Variants in CDH18 observed in about 807,000 individuals in gnomAD.
CDH18 encodes cadherin-18.
In CDH18, 31 loss-of-function variants were observed where a neutral mutation model predicts 67.9. The observed-to-expected ratio is 0.46, with a 90% CI of 0.34 to 0.62. CDH18 has a LOEUF of 0.62. Ranked by LOEUF, CDH18 falls within the 20% of genes least tolerant of loss-of-function variation. The pLI is 0.01. For synonymous variants in CDH18, 362 were observed against 347.2 expected, an observed-to-expected ratio of 1.04 and a Z score of -0.48; for missense variants, 890 against 975.5, an observed-to-expected ratio of 0.91 and a Z score of 1.17.
intron 1 of CDH18, among the ~76,000 whole-genome samples, chr5:20,356,753 C>CTACA (rs1554122695): frequency 1.3e-3 from 158 of 121,548 alleles, no homozygotes; most frequent in Non-Finnish European, 2.2e-3. Context: ...CTCTCTCTCT[C>CTACA]TATATATATA....
intron 2 of CDH18, among the ~76,000 whole-genome samples, chr5:19,951,872 A>C (rs1795822812): frequency 6.6e-6 from 1 of 152,154 alleles, no homozygotes; most frequent in African/African-American, 2.4e-5. Context: ...GCATTTCAAA[A>C]ATATCAAATC....
chr5:19,977,884 T>C (rs1249081594), intron 2 of CDH18, among the ~76,000 whole-genome samples: 1 of 152,166 alleles, frequency 6.6e-6, no homozygotes, highest in Non-Finnish European at 1.5e-5. Context: ...CACAGATTTC[T>C]ATATTCTCAT....
rs1779794745 is a variant in CDH18, at chr5:19,820,828, T to G, written c.228+17931A>C. Among the ~76,000 whole-genome samples the G allele has an allele frequency of 2.0e-5, 3 of 152,118 alleles. No individual in the cohort carries two copies. The South Asian group carries it at 6.2e-4, about 32-fold the overall frequency. On this transcript the variant is annotated intron_variant, in intron 3 of 12. Coordinates refer to ENST00000382275, the MANE Select transcript of CDH18 (RefSeq NM_004934.5). Reference sequence around the variant, plus strand: ...CCCAAGGCAGGAAGCCAGCTACAACTAAGGAACCCATACAGAGCCTTGGAC... The same window carrying G: ...CCCAAGGCAGGAAGCCAGCTACAACGAAGGAACCCATACAGAGCCTTGGAC...
At chr5:20,234,429 C>T (rs1416091407) in intron 2 of CDH18, among the ~76,000 whole-genome samples, 1 of 152,018 alleles carries the variant, frequency 6.6e-6, no homozygotes, top group Non-Finnish European at 1.5e-5. Flanking sequence ...ACCTATGTTC[C>T]AGATCATCAG....
At chr5:19,603,263 A>G (rs1013989456) in intron 6 of CDH18, among the ~76,000 whole-genome samples, 7 of 152,192 alleles carry the variant, frequency 4.6e-5, no homozygotes, top group African/African-American at 1.4e-4. Flanking sequence ...CCAGGCACAG[A>G]AAGACAAATA....
intron 2 of CDH18, among the ~76,000 whole-genome samples, chr5:20,052,925 T>C (rs1741560115): frequency 6.6e-6 from 1 of 152,068 alleles, no homozygotes; most frequent in South Asian, 2.1e-4. Flanking sequence ...CTTCTCTTGT[T>C]AAAGTGCACT....
At chr5:19,474,978 A>ATTAT (rs1413835173) in intron 12 of CDH18, among the ~76,000 whole-genome samples, 3 of 152,078 alleles carry the variant, frequency 2.0e-5, no homozygotes, top group African/African-American at 7.2e-5. Context: ...TAGGCTGAGT[A>ATTAT]TTATTTACTT....
intron 1 of CDH18, among the ~76,000 whole-genome samples, chr5:20,318,069 G>A (rs374490543): frequency 6.6e-6 from 1 of 152,096 alleles, no homozygotes; most frequent in Non-Finnish European, 1.5e-5. Flanking sequence ...ACTTTATTGA[G>A]CATGGAGGTG....
chr5:20,024,505 G>A lies in CDH18; in HGVS notation c.-517-32491C>T, dbSNP rs1011748949. ...GCACATTTTTAAACTATAGAAACATGTTGGCCAGTTTGCCATGTAACCACG... is the reference window on the plus strand; with the variant it reads ...GCACATTTTTAAACTATAGAAACATATTGGCCAGTTTGCCATGTAACCACG... On this transcript the variant is annotated intron_variant, in intron 2 of 14. Coordinates refer to the CDH18 transcript ENST00000507958. Among the ~76,000 whole-genome samples the A allele has an allele frequency of 1.1e-4, 16 of 152,118 alleles. 1 individual carries two copies. Among genetic ancestry groups the A allele is most frequent in the Non-Finnish European group, 1.5e-5 (1 of 68,016 alleles).
chr5:19,824,815 C>T (rs1482972651), intron 3 of CDH18, among the ~76,000 whole-genome samples: 6 of 152,264 alleles, frequency 3.9e-5, no homozygotes, highest in Admixed American at 1.3e-4. Context: ...CAACTGGTAG[C>T]TGTGTGGGCA....
At chr5:20,215,222 C>A (rs1740668285) in intron 2 of CDH18, among the ~76,000 whole-genome samples, 1 of 151,848 alleles carries the variant, frequency 6.6e-6, no homozygotes, top group African/African-American at 2.4e-5. Flanking sequence ...TCCTAATGGC[C>A]TATTACTCAA....
At chr5:19,986,774 A>G (rs1043574091) in intron 1 of CDH18, among the ~76,000 whole-genome samples, 2 of 152,154 alleles carry the variant, frequency 1.3e-5, no homozygotes, top group Non-Finnish European at 2.9e-5. Context: ...CCACATCCCA[A>G]CAAGGTATAT....
intron 1 of CDH18, among the ~76,000 whole-genome samples, chr5:20,411,888 A>G (rs1293861818): frequency 6.6e-6 from 1 of 152,180 alleles, no homozygotes; most frequent in Non-Finnish European, 1.5e-5. Flanking sequence ...CATAGAAGAC[A>G]TAAACAAATG....
chr5:19,869,500 T>A (rs1785978638), intron 2 of CDH18, among the ~76,000 whole-genome samples: 1 of 152,058 alleles, frequency 6.6e-6, no homozygotes. Context: ...ATGAGTTGGT[T>A]TTTATTTTCT....
At chr5:20,080,069 C>T (rs755090904) in intron 2 of CDH18, among the ~76,000 whole-genome samples, 21 of 152,028 alleles carry the variant, frequency 1.4e-4, no homozygotes, top group South Asian at 2.1e-4. Context: ...TTTGGGGGAA[C>T]GCAAATATTC....
chr5:20,499,387 ATTG>A (rs1261098652), intron 1 of CDH18, among the ~76,000 whole-genome samples: 1 of 151,792 alleles, frequency 6.6e-6, no homozygotes, highest in African/African-American at 2.4e-5. Flanking sequence ...TTGTATTGTT[ATTG>A]TTATTTTTTA....
chr5:20,468,680 T>G (rs751699761), intron 1 of CDH18, among the ~76,000 whole-genome samples: 13 of 152,214 alleles, frequency 8.5e-5, no homozygotes, highest in Non-Finnish European at 1.5e-4. Context: ...CATGATTTCA[T>G]AGAATACTGG....
chr5:19,548,881 G>C (rs1460777820), intron 8 of CDH18, among the ~76,000 whole-genome samples: 1 of 151,586 alleles, frequency 6.6e-6, no homozygotes, highest in Non-Finnish European at 1.5e-5. Context: ...CTCCCGAGTA[G>C]CTGGATTACA....
chr5:20,241,892 G>GTATGTA (rs140386163), intron 2 of CDH18, among the ~76,000 whole-genome samples: 4 of 29,292 alleles, frequency 1.4e-4, no homozygotes, highest in African/African-American at 3.7e-4. Flanking sequence ...ATATATATAT[G>GTATGTA]TATATATATA....
Sources: allele counts gnomAD v4.1 joint callset (sites outside exome capture counted in the v4.1 genomes callset), GRCh38; gene constraint gnomAD v4.1.1; transcripts MANE v1.5; gene names NCBI Gene and HGNC (gene_info 2026-07-23, HGNC 2026-07-21).